The following ME3 variants were observed in gnomAD, a reference collection of about 807,000 sequenced individuals.
ME3 encodes the protein NADP-dependent malic enzyme, mitochondrial.
In ME3, 48 loss-of-function variants were observed where a neutral mutation model predicts 68.9. The observed-to-expected ratio is 0.70, with a 90% CI of 0.55 to 0.89. The LOEUF is 0.89. Among genes scored for constraint, ME3 ranks in the 40% least tolerant of loss-of-function variants. The pLI is 0.00. For missense variants in ME3, 675 were observed against 797.4 expected (o/e 0.85, Z 1.85); for synonymous variants, 320 against 318.8 (o/e 1.00, Z -0.04).
At chr11:86,560,744 G>GTATATATATATATATA (rs58764893) in intron 2 of ME3, among the ~76,000 whole-genome samples, 41 of 66,892 alleles carry the variant, frequency 6.1e-4, no homozygotes, top group African/African-American at 2.3e-3. Flanking sequence ...GTGTGTGTGT[G>GTATATATATATATATA]TGTGTATATA....
At chr11:86,538,109 G>C (rs950280502) in intron 4 of ME3, among the ~76,000 whole-genome samples, 2 of 152,228 alleles carry the variant, frequency 1.3e-5, no homozygotes, top group African/African-American at 4.8e-5. Context: ...ACCTGTTGCT[G>C]ATTTCATTCA....
chr11:86,467,945 A>G (rs1360354872), intron 7 of ME3, among the ~76,000 whole-genome samples: 5 of 152,052 alleles, frequency 3.3e-5, no homozygotes, highest in African/African-American at 4.8e-5. Flanking sequence ...CACTCATCCA[A>G]TAATCTGGAT....
intron 2 of ME3, among the ~76,000 whole-genome samples, chr11:86,604,340 TA>T (rs1961281563): frequency 6.6e-6 from 1 of 152,044 alleles, no homozygotes; most frequent in Non-Finnish European, 1.5e-5. Flanking sequence ...GGTTAAATTT[TA>T]GAATGCCCTG....
chr11:86,447,622 G>A (rs1278337520), intron 11 of ME3, among the ~76,000 whole-genome samples: 4 of 152,056 alleles, frequency 2.6e-5, no homozygotes, highest in Non-Finnish European at 5.9e-5. Flanking sequence ...GGGGGGCAGT[G>A]GGGTGGGTAC....
chr11:86,652,550 A>G (rs1469938632), intron 2 of ME3, among the ~76,000 whole-genome samples: 2 of 152,270 alleles, frequency 1.3e-5, no homozygotes, highest in South Asian at 2.1e-4. Flanking sequence ...ATGCTGAGAG[A>G]TTTTGTCACC....
intron 2 of ME3, among the ~76,000 whole-genome samples, chr11:86,597,649 T>C (rs1252454731): frequency 6.6e-6 from 1 of 152,180 alleles, no homozygotes; most frequent in Non-Finnish European, 1.5e-5. Flanking sequence ...AGAAAGTATA[T>C]CTTGCTACTA....
chr11:86,637,378 A>G (rs1322427062), intron 2 of ME3, among the ~76,000 whole-genome samples: 1 of 150,706 alleles, frequency 6.6e-6, no homozygotes, highest in African/African-American at 2.4e-5. Context: ...AAAACTCATT[A>G]CAGCAGTGTG....
At chr11:86,642,646 T>G (rs1944741766) in intron 2 of ME3, among the ~76,000 whole-genome samples, 2 of 152,130 alleles carry the variant, frequency 1.3e-5, no homozygotes, top group African/African-American at 4.8e-5. Flanking sequence ...GAGGCTGCAG[T>G]GAGTCACGAT....
At chr11:86,501,314 T>C (rs1952709849) in intron 5 of ME3, among the ~76,000 whole-genome samples, 1 of 152,152 alleles carries the variant, frequency 6.6e-6, no homozygotes, top group African/African-American at 2.4e-5. Context: ...GTAATGATGA[T>C]GATTATTTAG....
intron 2 of ME3, among the ~76,000 whole-genome samples, chr11:86,589,261 G>A (rs771740310): frequency 1.3e-5 from 2 of 151,832 alleles, no homozygotes; most frequent in South Asian, 4.2e-4. Flanking sequence ...AAACTCTTAG[G>A]TTTCCTCAGG....
rs560761041 is a variant in ME3 at position 86,608,990 on chromosome 11, G to T, written c.184-49167C>A. Among the ~76,000 whole-genome samples, 26 of 152,306 alleles carry T rather than the reference G, an allele frequency of 1.7e-4. No individual in the cohort carries two copies. The East Asian group carries it at 3.9e-3, about 23-fold the overall frequency. ...ATTGAGCTCTTATGTGTCAGGCACT[G>T]TGTAAACACTTTACTGGCATTTTTC... On this transcript the variant is annotated intron_variant, in intron 2 of 14. Coordinates refer to ENST00000543262, the Ensembl canonical transcript of ME3.
intron 8 of ME3, among the ~76,000 whole-genome samples, chr11:86,452,129 T>A (rs768558927): frequency 6.6e-6 from 1 of 152,226 alleles, no homozygotes; most frequent in Non-Finnish European, 1.5e-5. Context: ...TTTCACCTAA[T>A]AACCCACGTA....
intron 7 of ME3, among the ~76,000 whole-genome samples, chr11:86,468,348 A>ATCCATCCATCCATTT (rs910661132): frequency 2.6e-4 from 39 of 152,066 alleles, no homozygotes; most frequent in Admixed American, 9.2e-4. Flanking sequence ...TCATCCATCC[A>ATCCATCCATCCATTT]TCCATCCATC....
At chr11:86,584,438 C>G (rs897895075) in intron 2 of ME3, among the ~76,000 whole-genome samples, 1 of 152,122 alleles carries the variant, frequency 6.6e-6, no homozygotes, top group African/African-American at 2.4e-5. Flanking sequence ...ATGGAACTAC[C>G]ATATGATCCA....
intron 2 of ME3, among the ~76,000 whole-genome samples, chr11:86,671,056 A>G (rs920668216): frequency 1.3e-5 from 2 of 152,236 alleles, no homozygotes; most frequent in African/African-American, 4.8e-5. Context: ...AACAAATACA[A>G]AAGAGCTAGC....
chr11:86,603,833 A>T (rs1195921923), intron 2 of ME3, among the ~76,000 whole-genome samples: 1 of 151,448 alleles, frequency 6.6e-6, no homozygotes, highest in Admixed American at 6.6e-5. Context: ...TTCTCAGTAA[A>T]CTATCACAAG....
intron 3 of ME3, among the ~76,000 whole-genome samples, chr11:86,559,106 C>T (rs1957072626): frequency 6.6e-6 from 1 of 152,156 alleles, no homozygotes; most frequent in Non-Finnish European, 1.5e-5. Flanking sequence ...TAAAGTTGAC[C>T]CTGTGATTCC....
At chr11:86,644,204 C>T (rs1462922773) in intron 2 of ME3, among the ~76,000 whole-genome samples, 1 of 152,086 alleles carries the variant, frequency 6.6e-6, no homozygotes, top group Non-Finnish European at 1.5e-5. Context: ...AATCTGACCG[C>T]TCCTGCCTCT....
chr11:86,481,665 C>G (rs1951417288), intron 7 of ME3, among the ~76,000 whole-genome samples: 1 of 152,136 alleles, frequency 6.6e-6, no homozygotes, highest in Admixed American at 6.5e-5. Flanking sequence ...TTCATGTGGA[C>G]TAAAATAGAG....
Sources: gnomAD v4.1 joint callset for allele counts (sites outside exome capture counted in the v4.1 genomes callset) on GRCh38, gnomAD v4.1.1 for gene constraint, MANE v1.5 for transcripts, NCBI Gene and HGNC (gene_info 2026-07-23, HGNC 2026-07-21) for gene names.